KCNJ6: variants seen among roughly 807,000 people sequenced by gnomAD.
KCNJ6 encodes the protein G protein-activated inward rectifier potassium channel 2.
In KCNJ6, 9 loss-of-function variants were observed where a neutral mutation model predicts 34.2. That is an observed-to-expected ratio of 0.26 (90% CI 0.16 to 0.46). The LOEUF is 0.46. KCNJ6 is among the 20% of genes least tolerant of loss of function. The pLI is 1.00. For synonymous variants in KCNJ6, 196 were observed against 207.1 expected (o/e 0.95, Z 0.46); for missense variants, 236 against 531.3 (o/e 0.44, Z 5.46).
intron 1 of KCNJ6, among the ~76,000 whole-genome samples, chr21:37,882,641 G>A (rs1330890513): frequency 3.3e-5 from 5 of 152,234 alleles, no homozygotes; most frequent in African/African-American, 1.2e-4. Flanking sequence ...GGTAAGGCTT[G>A]TGAGAATGGA....
chr21:37,786,786 T>G (rs942358745), intron 2 of KCNJ6, among the ~76,000 whole-genome samples: 2 of 152,214 alleles, frequency 1.3e-5, no homozygotes, highest in Non-Finnish European at 2.9e-5. Flanking sequence ...ATCTTCATTT[T>G]AAAATGGGGC....
At chr21:37,913,926 G>A (rs1431421134) in intron 1 of KCNJ6, among the ~76,000 whole-genome samples, 1 of 152,102 alleles carries the variant, frequency 6.6e-6, no homozygotes. Flanking sequence ...AAAGAGAAGA[G>A]CGTGAGAGGG....
At chr21:37,868,555 T>C (rs2055634408) in intron 1 of KCNJ6, among the ~76,000 whole-genome samples, 1 of 152,132 alleles carries the variant, frequency 6.6e-6, no homozygotes, top group Admixed American at 6.5e-5. Context: ...AGGAGAAACA[T>C]CTCTCTGGGA....
intron 1 of KCNJ6, among the ~76,000 whole-genome samples, chr21:37,861,226 A>G (rs1196780060): frequency 6.6e-6 from 1 of 152,228 alleles, no homozygotes; most frequent in Non-Finnish European, 1.5e-5. Context: ...TGGAGGGCTT[A>G]AACAACAGGC....
intron 1 of KCNJ6, among the ~76,000 whole-genome samples, chr21:37,913,003 C>G (rs1275269362): frequency 6.6e-6 from 1 of 152,214 alleles, no homozygotes; most frequent in East Asian, 1.9e-4. Context: ...CATTTCCAAC[C>G]AGTTGCCAAA....
intron 2 of KCNJ6, among the ~76,000 whole-genome samples, chr21:37,769,240 C>A (rs1171972096): frequency 6.6e-6 from 1 of 151,992 alleles, no homozygotes; most frequent in Non-Finnish European, 1.5e-5. Context: ...CTCTTCTCCG[C>A]CTGAAAATGT....
intron 3 of KCNJ6, among the ~76,000 whole-genome samples, chr21:37,652,522 G>A (rs2054438502): frequency 6.6e-6 from 1 of 152,180 alleles, no homozygotes; most frequent in Non-Finnish European, 1.5e-5. Context: ...TTTAATGGGA[G>A]AGACTTGACA....
At chr21:37,869,615 A>G (rs1282327969) in intron 1 of KCNJ6, among the ~76,000 whole-genome samples, 1 of 152,238 alleles carries the variant, frequency 6.6e-6, no homozygotes, top group Non-Finnish European at 1.5e-5. Context: ...GGCTGATGAC[A>G]TGGACTGATT....
chr21:37,720,229 ATACCTGATTTAAGAAAT>A (rs1236017941), intron 2 of KCNJ6, among the ~76,000 whole-genome samples: 8 of 152,220 alleles, frequency 5.3e-5, no homozygotes, highest in African/African-American at 1.9e-4. Context: ...GACACTCTAG[ATACCTGATTTAAGAAAT>A]GTATCACACA....
chr21:37,812,201 T>C (rs759913979), intron 2 of KCNJ6, among the ~76,000 whole-genome samples: 2 of 152,170 alleles, frequency 1.3e-5, no homozygotes, highest in Admixed American at 6.6e-5. Context: ...ACCCTAGTGT[T>C]TGGGGACTCC....
At chr21:37,736,476 A>G (rs1049032658) in intron 2 of KCNJ6, among the ~76,000 whole-genome samples, 12 of 152,252 alleles carry the variant, frequency 7.9e-5, no homozygotes, top group African/African-American at 2.6e-4. Context: ...TCTGAAATGC[A>G]CTCTTGTAAA....
chr21:37,723,812 G>T (rs151077241), intron 2 of KCNJ6, among the ~76,000 whole-genome samples: 2,042 of 152,176 alleles, frequency 0.013, 20 homozygotes, highest in Non-Finnish European at 0.022. Flanking sequence ...TTGGTACTAC[G>T]TTCACTAAAT....
Position 37,610,598 on chromosome 21 carries a change from T to TAAAAAAAAAAA in KCNJ6, c.*14550_*14560dup, listed in dbSNP as rs71328602. The TAAAAAAAAAAA allele has an allele frequency of 1.3e-5, 1 of 77,474 alleles. No individual in the cohort carries two copies. The highest frequency in any genetic ancestry group is 5.7e-5 in the African/African-American group (1 of 17,432). 4.8% of individuals were successfully genotyped at this position (77,474 alleles called of 1,614,324 possible). The stretch of plus-strand genomic sequence containing the variant: ...TGGGCAACAGAGTGAGACTCTGTCT[T>TAAAAAAAAAAA]AAAAAAAAAAAAAAAAAAAAAAGGA... On this transcript the variant is annotated 3_prime_UTR_variant, in exon 4 of 4. Transcript: ENST00000609713.
chr21:37,813,349 T>A (rs2055331788), intron 2 of KCNJ6, among the ~76,000 whole-genome samples: 1 of 152,198 alleles, frequency 6.6e-6, no homozygotes, highest in African/African-American at 2.4e-5. Flanking sequence ...ATCTACAGAT[T>A]CAATGTATTC....
intron 2 of KCNJ6, among the ~76,000 whole-genome samples, chr21:37,803,418 T>C (rs945272432): frequency 7.9e-5 from 12 of 152,202 alleles, no homozygotes; most frequent in African/African-American, 2.9e-4. Flanking sequence ...TCTGTGGTGA[T>C]GCTGGGGCTG....
At chr21:37,636,549 C>T (rs537954466) in intron 3 of KCNJ6, among the ~76,000 whole-genome samples, 33 of 152,250 alleles carry the variant, frequency 2.2e-4, no homozygotes, top group Admixed American at 7.8e-4. Context: ...TTTGGGTGGC[C>T]GTTTCATTCC....
chr21:37,907,672 G>A (rs1411450988), intron 1 of KCNJ6, among the ~76,000 whole-genome samples: 1 of 152,092 alleles, frequency 6.6e-6, no homozygotes, highest in Non-Finnish European at 1.5e-5. Context: ...CCACTGCTGG[G>A]TCCCACTTTT....
rs1168451208 is a variant in KCNJ6, at chr21:37,620,906, A to G, written c.*4253T>C. 1 of 152,214 alleles carries G rather than the reference A, an allele frequency of 6.6e-6. No homozygotes were observed. Among genetic ancestry groups the G allele is most frequent in the Admixed American group, 6.5e-5 (1 of 15,280 alleles). 9.4% of individuals were successfully genotyped at this position (152,214 alleles called of 1,614,324 possible). On this transcript the variant is annotated 3_prime_UTR_variant, in exon 4 of 4. Transcript: ENST00000609713. ...ATGACACTCTGCATCTAAAGCACTCAAGACATTAAAGGCAGAAATATTAGG... is the reference window on the plus strand; with the variant it reads ...ATGACACTCTGCATCTAAAGCACTCGAGACATTAAAGGCAGAAATATTAGG...
intron 2 of KCNJ6, among the ~76,000 whole-genome samples, chr21:37,726,470 G>C (rs2054855122): frequency 6.6e-6 from 1 of 152,192 alleles, no homozygotes; most frequent in African/African-American, 2.4e-5. Flanking sequence ...TTTATTGAAT[G>C]AGTGGGTGTA....
Sources: gnomAD v4.1 joint callset for allele counts (sites outside exome capture counted in the v4.1 genomes callset) on GRCh38, gnomAD v4.1.1 for gene constraint, MANE v1.5 for transcripts, NCBI Gene and HGNC (gene_info 2026-07-23, HGNC 2026-07-21) for gene names.